Variants in TBC1D12 observed in about 807,000 individuals in gnomAD.
The protein encoded by TBC1D12 is TBC1 domain family, member 12.
Under a neutral mutation model 86.7 loss-of-function variants are expected in TBC1D12, and 56 were observed. That is an observed-to-expected ratio of 0.65 (90% CI 0.52 to 0.81). TBC1D12 has a LOEUF of 0.81. TBC1D12 is among the 30% of genes least tolerant of loss of function. The pLI is 0.00. For missense variants in TBC1D12, 1,023 were observed against 1,038.8 expected (o/e 0.98, Z 0.21); for synonymous variants, 421 against 411.7 (o/e 1.02, Z -0.27).
At chr10:94,403,681 GA>G in intron 1 of TBC1D12, 97 bp downstream of exon 1, 1 of 1,377,780 alleles carries the variant, frequency 7.3e-7, no homozygotes, top group Non-Finnish European at 9.3e-7. Context: ...AGCCGGAGCG[GA>G]GAGCTTGGTC....
chr10:94,465,462 A>G (rs530203223), intron 2 of TBC1D12, among the ~76,000 whole-genome samples: 25 of 152,150 alleles, frequency 1.6e-4, no homozygotes, highest in Admixed American at 6.5e-5. Flanking sequence ...CCTGGCTAAC[A>G]TGGTGAAAAG....
At chr10:94,435,919 A>T (rs1462363140) in intron 1 of TBC1D12, among the ~76,000 whole-genome samples, 1 of 152,182 alleles carries the variant, frequency 6.6e-6, no homozygotes, top group Non-Finnish European at 1.5e-5. Flanking sequence ...ACTATTTATT[A>T]CACAATCTTT....
chr10:94,469,116 T>C (rs1249448551), intron 2 of TBC1D12, among the ~76,000 whole-genome samples: 1 of 152,204 alleles, frequency 6.6e-6, no homozygotes, highest in Non-Finnish European at 1.5e-5. Context: ...CACAAGAAGC[T>C]TAACTTCTGG....
chr10:94,522,168 T>A (rs1842169981), intron 10 of TBC1D12, 85 bp downstream of exon 10: 1 of 1,467,620 alleles, frequency 6.8e-7, no homozygotes, highest in Non-Finnish European at 9.2e-7. Flanking sequence ...GCCAAAACAA[T>A]CTAATCTAAT....
chr10:94,501,815 T>C (rs1023837910), intron 6 of TBC1D12, among the ~76,000 whole-genome samples: 1 of 151,842 alleles, frequency 6.6e-6, no homozygotes, highest in African/African-American at 2.4e-5. Flanking sequence ...CCCAAAGTGC[T>C]GGGATTACAG....
At chr10:94,408,092 C>A (rs1486713112) in intron 1 of TBC1D12, among the ~76,000 whole-genome samples, 3 of 152,038 alleles carry the variant, frequency 2.0e-5, no homozygotes, top group Non-Finnish European at 4.4e-5. Flanking sequence ...TGTTTTTAGG[C>A]CATTTAATAG....
intron 2 of TBC1D12, among the ~76,000 whole-genome samples, chr10:94,443,660 C>T (rs1157182178): frequency 6.6e-6 from 1 of 152,134 alleles, no homozygotes; most frequent in Non-Finnish European, 1.5e-5. Context: ...AGAAGCAGTA[C>T]ACAGTTCCAA....
At chr10:94,501,246 C>T (rs1466368328) in intron 6 of TBC1D12, among the ~76,000 whole-genome samples, 5 of 151,802 alleles carry the variant, frequency 3.3e-5, no homozygotes, top group Admixed American at 3.3e-4. Context: ...CTCAGGATTT[C>T]GAGACCAGCC....
intron 1 of TBC1D12, among the ~76,000 whole-genome samples, chr10:94,415,561 G>A (rs1377214089): frequency 3.3e-5 from 5 of 152,188 alleles, no homozygotes; most frequent in Non-Finnish European, 7.4e-5. Flanking sequence ...GTGAAACCCC[G>A]TCTCTAGTAA....
intron 3 of TBC1D12, among the ~76,000 whole-genome samples, chr10:94,488,386 C>CTTT (rs770258959): frequency 0.011 from 801 of 74,742 alleles, 25 homozygotes; most frequent in East Asian, 0.022. Context: ...CCCAAGGGGT[C>CTTT]TTTTTTTTTT....
Position 94,482,677 on chromosome 10 carries a change from C to T in TBC1D12, c.1211+7894C>T, listed in dbSNP as rs546693882. Among the ~76,000 whole-genome samples the T allele has an allele frequency of 2.6e-4, 39 of 151,980 alleles. 1 individual carries two copies. The South Asian group carries it at 5.2e-3, about 20-fold the overall frequency. On this transcript the variant is annotated intron_variant, in intron 3 of 12. Coordinates refer to ENST00000225235, the MANE Select transcript of TBC1D12 (RefSeq NM_015188.2). The stretch of plus-strand genomic sequence containing the variant: ...GTTGGTCAGGCTGGTTGTGAACTCC[C>T]GACCTCAGGTGATCCGCCCGCCTCA...
chr10:94,528,845 C>T (rs565581512), intron 11 of TBC1D12, among the ~76,000 whole-genome samples: 1 of 32,364 alleles, frequency 3.1e-5, no homozygotes, highest in Non-Finnish European at 5.6e-5. Context: ...AAAGAATTCA[C>T]ATGATAATTT....
intron 1 of TBC1D12, among the ~76,000 whole-genome samples, chr10:94,439,688 C>T (rs1399859739): frequency 6.6e-6 from 1 of 152,078 alleles, no homozygotes; most frequent in East Asian, 1.9e-4. Context: ...GCCCTCTACC[C>T]AGAAAGCTTA....
chr10:94,426,262 C>T (rs1364429100), intron 1 of TBC1D12, among the ~76,000 whole-genome samples: 2 of 152,146 alleles, frequency 1.3e-5, no homozygotes, highest in African/African-American at 4.8e-5. Context: ...TTTAATGTTT[C>T]ACCATCATTA....
intron 1 of TBC1D12, among the ~76,000 whole-genome samples, chr10:94,416,429 A>T (rs116394342): frequency 6.6e-6 from 1 of 152,288 alleles, no homozygotes; most frequent in African/African-American, 2.4e-5. Flanking sequence ...AGTTCATTGT[A>T]ATGTTCATAG....
intron 2 of TBC1D12, among the ~76,000 whole-genome samples, chr10:94,471,155 A>C (rs1363092832): frequency 6.6e-6 from 1 of 152,036 alleles, no homozygotes; most frequent in East Asian, 1.9e-4. Flanking sequence ...ACATGCCTGT[A>C]ATCTCAGCTA....
At chr10:94,481,828 C>A (rs903521060) in intron 3 of TBC1D12, among the ~76,000 whole-genome samples, 1 of 150,986 alleles carries the variant, frequency 6.6e-6, no homozygotes, top group Non-Finnish European at 1.5e-5. Flanking sequence ...TGTGTGGGTA[C>A]GTAGTAGATA....
chr10:94,472,829 C>T (rs1297128077), intron 2 of TBC1D12, among the ~76,000 whole-genome samples: 1 of 152,098 alleles, frequency 6.6e-6, no homozygotes, highest in African/African-American at 2.4e-5. Context: ...CATAAGTGCA[C>T]ACAATCCTAA....
chr10:94,426,289 T>A (rs764643393), intron 1 of TBC1D12, among the ~76,000 whole-genome samples: 11 of 152,214 alleles, frequency 7.2e-5, no homozygotes, highest in Non-Finnish European at 1.3e-4. Context: ...ATGTTAGCTG[T>A]AGGGTTTTTA....
Sources: gnomAD v4.1 joint callset for allele counts (sites outside exome capture counted in the v4.1 genomes callset) on GRCh38, gnomAD v4.1.1 for gene constraint, MANE v1.5 for transcripts, NCBI Gene and HGNC (gene_info 2026-07-23, HGNC 2026-07-21) for gene names.